INTS4: variants seen among roughly 807,000 people sequenced by gnomAD.
INTS4 encodes the protein integrator complex subunit 4.
A neutral mutation model predicts 119.5 loss-of-function variants in INTS4; 70 were observed. The ratio of observed to expected loss-of-function variants is 0.59; its 90% CI spans 0.48 to 0.71. The LOEUF is 0.71. Ranked by LOEUF, INTS4 falls within the 30% of genes least tolerant of loss-of-function variation. The pLI is 0.00. For synonymous variants in INTS4, 316 were observed against 419.6 expected (o/e 0.75, Z 3.02); for missense variants, 867 against 1,173.2 (o/e 0.74, Z 3.81).
chr11:77,933,099 A>G (rs1342270858), intron 10 of INTS4, among the ~76,000 whole-genome samples: 1 of 152,184 alleles, frequency 6.6e-6, no homozygotes, highest in Non-Finnish European at 1.5e-5. Flanking sequence ...CCAGAACTCA[A>G]AAGTATAAAA....
rs955394224 is a variant in INTS4 at position 77,906,347 on chromosome 11, G to C, written c.2016+1370C>G. Among the ~76,000 whole-genome samples, 3 of 152,138 alleles carry C rather than the reference G, an allele frequency of 2.0e-5. No individual in the cohort carries two copies. The East Asian group carries it at 5.8e-4, about 29-fold the overall frequency. ...CCTGTTATTAAACACACTTGCCTTG[G>C]GTTCTGGCTCTGGGCCCCTCACCTA... On this transcript the variant is annotated intron_variant, in intron 16 of 22. Coordinates refer to ENST00000534064, the MANE Select transcript of INTS4 (RefSeq NM_033547.4).
intron 1 of INTS4, among the ~76,000 whole-genome samples, chr11:77,993,508 G>A (rs1455967399): frequency 6.6e-6 from 1 of 152,156 alleles, no homozygotes; most frequent in Non-Finnish European, 1.5e-5. Context: ...AGCAGTCTTG[G>A]GAAATGGGAA....
chr11:77,957,401 T>G (rs951846457), intron 7 of INTS4, among the ~76,000 whole-genome samples: 5 of 151,670 alleles, frequency 3.3e-5, no homozygotes, highest in African/African-American at 1.2e-4. Flanking sequence ...GTACAAAAAA[T>G]GAGCTGGGTG....
intron 21 of INTS4, among the ~76,000 whole-genome samples, chr11:77,885,170 C>T (rs558374819): frequency 1.4e-4 from 22 of 151,864 alleles, no homozygotes; most frequent in South Asian, 6.3e-4. Context: ...CTCCGCCTCC[C>T]GGGTTAAAGT....
chr11:77,938,102 C>A (rs1268462976), intron 10 of INTS4, among the ~76,000 whole-genome samples: 1 of 151,896 alleles, frequency 6.6e-6, no homozygotes, highest in African/African-American at 2.4e-5. Flanking sequence ...CAGCCTCAGC[C>A]TCCCAAAGTG....
chr11:77,874,506 G>T (rs183327577), downstream of INTS4, among the ~76,000 whole-genome samples: 62 of 152,156 alleles, frequency 4.1e-4, no homozygotes, highest in South Asian at 1.0e-3. Context: ...CTTAGAGACA[G>T]AAGTATCTGT....
rs12278699 is a variant in INTS4, at chr11:77,979,750, C to T, written c.365-648G>A. Among the ~76,000 whole-genome samples the T allele has an allele frequency of 1.9e-3, 289 of 150,486 alleles. 1 individual carries two copies. Among genetic ancestry groups the T allele is most frequent in the African/African-American group, 6.8e-3 (280 of 41,030 alleles). On this transcript the variant is annotated intron_variant, in intron 3 of 22. Coordinates refer to ENST00000534064, the MANE Select transcript of INTS4 (RefSeq NM_033547.4). ...ATCCCAGCACTTTGGGAGGCTGAGG[C>T]GGGCAGATCATGAGGTCAGGAATTC...
At chr11:77,923,019 C>T (rs768217521) in intron 12 of INTS4, among the ~76,000 whole-genome samples, 6 of 152,114 alleles carry the variant, frequency 3.9e-5, no homozygotes, top group Non-Finnish European at 8.8e-5. Context: ...AGCCATCTTA[C>T]AACTATGAGA....
intron 21 of INTS4, among the ~76,000 whole-genome samples, chr11:77,889,489 A>C (rs1487467963): frequency 6.6e-6 from 1 of 152,196 alleles, no homozygotes; most frequent in Non-Finnish European, 1.5e-5. Flanking sequence ...TGGCACATGT[A>C]TACAGATGTA....
At chr11:77,937,838 TA>T (rs1953836853) in intron 10 of INTS4, among the ~76,000 whole-genome samples, 9 of 150,572 alleles carry the variant, frequency 6.0e-5, no homozygotes, top group Admixed American at 6.6e-5. Context: ...TTTATTTATT[TA>T]TTTATTTATT....
At chr11:77,905,051 T>C (rs1952902976) in intron 16 of INTS4, among the ~76,000 whole-genome samples, 1 of 152,018 alleles carries the variant, frequency 6.6e-6, no homozygotes, top group African/African-American at 2.4e-5. Context: ...TCTATGAGAG[T>C]GTTTCCAGAA....
chr11:77,909,512 G>C (rs186694214), intron 15 of INTS4, among the ~76,000 whole-genome samples: 34 of 152,260 alleles, frequency 2.2e-4, no homozygotes, highest in Non-Finnish European at 4.1e-4. Flanking sequence ...TCTTTTAAAG[G>C]TTATTAATCT....
chr11:77,958,950 T>G, intron 6 of INTS4, 116 bp from the exon 7 acceptor site: 1 of 688,102 alleles, frequency 1.5e-6, no homozygotes, highest in South Asian at 1.7e-5. Context: ...AACACTTGTG[T>G]GTGGTTTTAA....
intron 4 of INTS4, among the ~76,000 whole-genome samples, chr11:77,973,933 G>C (rs1380527849): frequency 1.3e-5 from 2 of 152,102 alleles, no homozygotes. Flanking sequence ...TCTGTTTCTG[G>C]TAACTCATAG....
chr11:77,918,528 C>A, intron 15 of INTS4: 1 of 273,568 alleles, frequency 3.7e-6, no homozygotes. Context: ...GCCACTGTTA[C>A]TTTGCATTTT....
chr11:77,942,742 C>T (rs1479003712), intron 8 of INTS4, among the ~76,000 whole-genome samples: 1 of 152,072 alleles, frequency 6.6e-6, no homozygotes, highest in African/African-American at 2.4e-5. Flanking sequence ...TGGAGCAGGT[C>T]CTAGACATTA....
chr11:77,958,538 T>C (rs1954386532), intron 7 of INTS4, among the ~76,000 whole-genome samples: 1 of 152,248 alleles, frequency 6.6e-6, no homozygotes, highest in South Asian at 2.1e-4. Context: ...AAGTGAAGTA[T>C]CTTTCCAAAG....
rs368475030 is a variant in INTS4 at position 77,928,405 on chromosome 11, T to C, written c.1308A>G (p.Arg436=). The C allele has an allele frequency of 9.9e-6, 16 of 1,611,858 alleles. No homozygotes were observed. Among genetic ancestry groups the C allele is most frequent in the Non-Finnish European group, 1.4e-5 (16 of 1,178,510 alleles). ...EVRLQSIHTM[R]KISNNITLRE... ...GGAGGGTGATGTTGTTAGAGATTTTTCTCATGGTATGTATAGACTGCAGAC... is the reference window on the plus strand; with the variant it reads ...GGAGGGTGATGTTGTTAGAGATTTTCCTCATGGTATGTATAGACTGCAGAC... The change falls in exon 11 of 23, where the codon AGA becomes AGG. Residue 436 remains arginine (R), a synonymous_variant. Coordinates refer to ENST00000534064, the MANE Select transcript of INTS4 (RefSeq NM_033547.4).
At chr11:77,887,974 A>C (rs1379504309) in intron 21 of INTS4, among the ~76,000 whole-genome samples, 2 of 152,236 alleles carry the variant, frequency 1.3e-5, no homozygotes, top group African/African-American at 2.4e-5. Flanking sequence ...GGAAGAATCA[A>C]TATTGTGAAA....
Sources: gnomAD v4.1 joint callset for allele counts (sites outside exome capture counted in the v4.1 genomes callset) on GRCh38, gnomAD v4.1.1 for gene constraint, MANE v1.5 for transcripts, NCBI Gene and HGNC (gene_info 2026-07-23, HGNC 2026-07-21) for gene names.